The following TNFRSF9 variants were observed in gnomAD, a reference collection of about 807,000 sequenced individuals.
TNFRSF9 encodes the protein TNF receptor superfamily member 9, also known as tumor necrosis factor receptor superfamily member 9.
TNFRSF9 carries 16 observed loss-of-function variants against 28.8 expected under a neutral mutation model. That is an observed-to-expected ratio of 0.55 (90% CI 0.38 to 0.84). TNFRSF9 has a LOEUF of 0.84. Ranked by LOEUF, TNFRSF9 falls within the 40% of genes least tolerant of loss-of-function variation. The probability of loss-of-function intolerance (pLI) is 0.00; values close to 1 mark genes in which losing one functional copy is unlikely to be tolerated. For synonymous variants in TNFRSF9, 131 were observed against 117.0 expected (o/e 1.12, Z -0.77); for missense variants, 303 against 315.0 (o/e 0.96, Z 0.29).
rs756512867 is a variant in TNFRSF9 at position 7,934,997 on chromosome 1, G to A, written c.544+16C>T. ...CATAAGATACGCACTTTGGCGTAAA[G>A]GCATAGCCCAGTTACCTGGCTCTCT... On this transcript the variant is annotated intron_variant, in intron 6 of 7. Coordinates refer to ENST00000377507, the MANE Select transcript of TNFRSF9 (RefSeq NM_001561.6). 25 of 1,613,592 alleles carry A rather than the reference G, an allele frequency of 1.5e-5. 1 individual carries two copies. The East Asian group carries it at 1.6e-4, about 10-fold the overall frequency.
At chr1:7,922,938 T>C (rs186388790) in intron 7 of TNFRSF9, among the ~76,000 whole-genome samples, 8 of 149,988 alleles carry the variant, frequency 5.3e-5, no homozygotes, top group Middle Eastern at 3.5e-3. Flanking sequence ...AGTCTCACTC[T>C]GTTGCCCAGG....
At chr1:7,924,520 G>A (rs1274099297) in intron 7 of TNFRSF9, among the ~76,000 whole-genome samples, 2 of 151,770 alleles carry the variant, frequency 1.3e-5, no homozygotes, top group East Asian at 3.9e-4. Flanking sequence ...CCAGCTACTC[G>A]GGAGGCTGAG....
At chr1:7,926,449 C>T (rs1461701732) in intron 7 of TNFRSF9, among the ~76,000 whole-genome samples, 1 of 152,128 alleles carries the variant, frequency 6.6e-6, no homozygotes, top group African/African-American at 2.4e-5. Flanking sequence ...TCAGAACTAC[C>T]CCTGTCATTA....
intron 7 of TNFRSF9, among the ~76,000 whole-genome samples, chr1:7,926,920 C>T (rs1366003491): frequency 1.3e-5 from 2 of 152,094 alleles, no homozygotes; most frequent in African/African-American, 4.8e-5. Flanking sequence ...ACACCTTATA[C>T]GAAAAATTTA....
chr1:7,931,198 G>A (rs1639726993), intron 7 of TNFRSF9, among the ~76,000 whole-genome samples: 1 of 152,152 alleles, frequency 6.6e-6, no homozygotes, highest in East Asian at 1.9e-4. Context: ...CAATCATTTA[G>A]GAAAACAGTT....
chr1:7,940,440 A>G (rs894352365), intron 1 of TNFRSF9, among the ~76,000 whole-genome samples: 1 of 152,228 alleles, frequency 6.6e-6, no homozygotes, highest in Admixed American at 6.5e-5. Context: ...TACAAAGAGA[A>G]TCTGTCAGGG....
Position 7,915,993 on chromosome 1 carries a change from A to G in TNFRSF9, c.*4842T>C, listed in dbSNP as rs1033363786. On this transcript the variant is annotated 3_prime_UTR_variant, in exon 8 of 8. Coordinates refer to ENST00000377507, the MANE Select transcript of TNFRSF9 (RefSeq NM_001561.6). ...GTCCTACCACACACAGGGCACATGTAACCTGCCCTAGCTGCGGTGGGCACC... is the reference window on the plus strand; with the variant it reads ...GTCCTACCACACACAGGGCACATGTGACCTGCCCTAGCTGCGGTGGGCACC... 6.6e-6 allele frequency: 1 copy of G among 152,180 alleles called. No individual in the cohort carries two copies. Among genetic ancestry groups the G allele is most frequent in the Non-Finnish European group, 1.5e-5 (1 of 68,020 alleles). 9.4% of individuals were successfully genotyped at this position (152,180 alleles called of 1,614,324 possible). A position where few individuals can be genotyped will look rare whatever the true frequency, so the allele number is the denominator to read the frequency against.
At chr1:7,929,614 T>G (rs979425979) in intron 7 of TNFRSF9, among the ~76,000 whole-genome samples, 2 of 152,186 alleles carry the variant, frequency 1.3e-5, no homozygotes, top group African/African-American at 4.8e-5. Flanking sequence ...ACCATATGAT[T>G]CTATTTATAC....
rs549100926 is a variant in TNFRSF9, at chr1:7,933,965, C to T, written c.545-669G>A. 3.2e-4 allele frequency among the ~76,000 whole-genome samples: 48 copies of T among 151,988 alleles called. 1 individual carries two copies. The South Asian group carries it at 4.2e-3, about 13-fold the overall frequency. The stretch of plus-strand genomic sequence containing the variant: ...CTGGGAGGTAGAGGTTGCAGTGAGC[C>T]GAGATTGCGCCATTGCACTCCAGCC... On this transcript the variant is annotated intron_variant, in intron 6 of 7. Coordinates refer to ENST00000377507, the MANE Select transcript of TNFRSF9 (RefSeq NM_001561.6).
At chr1:7,925,669 T>G (rs1188861855) in intron 7 of TNFRSF9, among the ~76,000 whole-genome samples, 1 of 152,184 alleles carries the variant, frequency 6.6e-6, no homozygotes, top group Non-Finnish European at 1.5e-5. Context: ...AACTAGACAG[T>G]CCCATCTGGG....
Position 7,940,082 on chromosome 1 carries a change from C to A in TNFRSF9, c.-84-4G>T. On this transcript the variant is annotated splice_polypyrimidine_tract_variant and splice_region_variant and intron_variant, in intron 1 of 7. Coordinates refer to ENST00000377507, the MANE Select transcript of TNFRSF9 (RefSeq NM_001561.6). ...AGCTGGTCTCACAAATGTCACTCTG[C>A]AAAAGATAAACATTTCCAAGGAAAG... is the stretch of plus-strand genomic sequence containing the variant. 1.1e-6 allele frequency: 1 copy of A among 899,452 alleles called. No individual in the cohort carries two copies. Among genetic ancestry groups the A allele is most frequent in the Admixed American group, 2.0e-5 (1 of 49,300 alleles). 55.7% of individuals were successfully genotyped at this position (899,452 alleles called of 1,614,324 possible). A position where few individuals can be genotyped will look rare whatever the true frequency, so the allele number is the denominator to read the frequency against.
Position 7,917,592 on chromosome 1 carries a change from A to G in TNFRSF9, c.*3243T>C, listed in dbSNP as rs1357969884. 4 of 152,210 alleles carry G rather than the reference A, an allele frequency of 2.6e-5. No individual in the cohort carries two copies. The highest frequency in any genetic ancestry group is 9.6e-5 in the African/African-American group (4 of 41,452). The allele number at this position is 152,210 out of a possible 1,614,324, so 9.4% of individuals were successfully genotyped here. A position where few individuals can be genotyped will look rare whatever the true frequency, so the allele number is the denominator to read the frequency against. ...AGACAAAACTTAAAACTTTTGGAATAAAATGTGGGCAAACCTCTTTATAGT... is the reference window on the plus strand; with the variant it reads ...AGACAAAACTTAAAACTTTTGGAATGAAATGTGGGCAAACCTCTTTATAGT... On this transcript the variant is annotated 3_prime_UTR_variant, in exon 8 of 8. Coordinates refer to ENST00000377507, the MANE Select transcript of TNFRSF9 (RefSeq NM_001561.6).
chr1:7,933,026 G>T, intron 7 of TNFRSF9, 136 bp downstream of exon 7: 1 of 1,025,828 alleles, frequency 9.7e-7, no homozygotes, highest in Non-Finnish European at 1.4e-6. Flanking sequence ...TATTCCCAGG[G>T]ACGAAATTGC....
At chr1:7,924,126 G>A (rs576258029) in intron 7 of TNFRSF9, among the ~76,000 whole-genome samples, 1 of 151,926 alleles carries the variant, frequency 6.6e-6, no homozygotes, top group Non-Finnish European at 1.5e-5. Context: ...CATTGCTCAC[G>A]TTTGTGGTGA....
intron 7 of TNFRSF9, 182 bp downstream of exon 7, chr1:7,932,980 G>A: frequency 3.0e-6 from 2 of 658,334 alleles, no homozygotes; most frequent in Non-Finnish European, 5.1e-6. Context: ...TCACCACCGA[G>A]CGGTGAACAC....
At chr1:7,929,882 C>T (rs9658005) in intron 7 of TNFRSF9, among the ~76,000 whole-genome samples, 132 of 151,876 alleles carry the variant, frequency 8.7e-4, no homozygotes, top group African/African-American at 3.0e-3. Context: ...ACCCAGAAAC[C>T]GCATGAGAGA....
At chr1:7,938,125 G>T in intron 4 of TNFRSF9, 68 bp downstream of exon 4, 1 of 1,390,058 alleles carries the variant, frequency 7.2e-7, no homozygotes, top group Non-Finnish European at 9.5e-7. Flanking sequence ...TATTTTCAAA[G>T]GATCAAGATC....
rs1379504830 is a variant in TNFRSF9, at chr1:7,935,077, T to C, written c.480A>G (p.Pro160=). The C allele has an allele frequency of 6.2e-7, 1 of 1,614,256 alleles. No homozygotes were observed. Among genetic ancestry groups the C allele is most frequent in the Non-Finnish European group, 8.5e-7 (1 of 1,180,042 alleles). ...GTKERDVVCG[P]SPADLSPGAS... is the part of the protein sequence containing the mutation. Reference sequence around the variant, plus strand: ...CTCCCGGAGAGAGGTCGGCTGGAGATGGTCCACAGACCACGTCCCTCTCCT... The same window carrying C: ...CTCCCGGAGAGAGGTCGGCTGGAGACGGTCCACAGACCACGTCCCTCTCCT... The change falls in exon 6 of 8, where the codon CCA becomes CCG. Residue 160 remains proline (P), a synonymous_variant. Coordinates refer to ENST00000377507, the MANE Select transcript of TNFRSF9 (RefSeq NM_001561.6).
chr1:7,939,298 C>T (rs558309005), intron 2 of TNFRSF9, among the ~76,000 whole-genome samples: 22 of 136,020 alleles, frequency 1.6e-4, no homozygotes, highest in African/African-American at 4.8e-4. Flanking sequence ...CCAGCCTGGG[C>T]GACAGAGTGA....
Sources: allele counts gnomAD v4.1 joint callset (sites outside exome capture counted in the v4.1 genomes callset), GRCh38; gene constraint gnomAD v4.1.1; transcripts MANE v1.5; gene names NCBI Gene and HGNC (gene_info 2026-07-23, HGNC 2026-07-21).